IMMP2L: variants seen among roughly 807,000 people sequenced by gnomAD.
IMMP2L encodes the protein mitochondrial inner membrane protease subunit 2.
In IMMP2L, 18 loss-of-function variants were observed where a neutral mutation model predicts 19.3. That is an observed-to-expected ratio of 0.93 (90% CI 0.64 to 1.38). The LOEUF is 1.38. Ranked by LOEUF, IMMP2L falls within the 40% of genes most tolerant of loss-of-function variation. IMMP2L has a pLI of 0.00. For synonymous variants in IMMP2L, 76 were observed against 73.0 expected (o/e 1.04, Z -0.21); for missense variants, 233 against 218.2 (o/e 1.07, Z -0.43).
At chr7:111,165,714 C>A (rs1405624939) in intron 3 of IMMP2L, among the ~76,000 whole-genome samples, 1 of 152,062 alleles carries the variant, frequency 6.6e-6, no homozygotes, top group South Asian at 2.1e-4. Context: ...GGGGTTAACT[C>A]TACAAACACC....
chr7:110,846,185 C>T (rs1458644766), intron 5 of IMMP2L, among the ~76,000 whole-genome samples: 1 of 151,954 alleles, frequency 6.6e-6, no homozygotes, highest in South Asian at 2.1e-4. Context: ...AAATATACAG[C>T]CTTTCATTCT....
chr7:111,219,990 C>A (rs1281176269), intron 3 of IMMP2L, among the ~76,000 whole-genome samples: 1 of 151,958 alleles, frequency 6.6e-6, no homozygotes, highest in African/African-American at 2.4e-5. Context: ...AAATTTGGAA[C>A]CTAATTCTCA....
At chr7:111,288,456 G>C (rs557808223) in intron 3 of IMMP2L, among the ~76,000 whole-genome samples, 1 of 152,252 alleles carries the variant, frequency 6.6e-6, no homozygotes, top group African/African-American at 2.4e-5. Context: ...TTAAACTAAA[G>C]AGCTTCTGCA....
intron 3 of IMMP2L, among the ~76,000 whole-genome samples, chr7:111,279,408 G>A (rs1228860130): frequency 6.6e-6 from 1 of 151,948 alleles, no homozygotes; most frequent in Non-Finnish European, 1.5e-5. Context: ...AATTAAGATG[G>A]GCCCTAATCC....
intron 3 of IMMP2L, among the ~76,000 whole-genome samples, chr7:111,297,382 T>C (rs1443764721): frequency 6.6e-6 from 1 of 152,032 alleles, no homozygotes; most frequent in Non-Finnish European, 1.5e-5. Flanking sequence ...TATTTCAAAA[T>C]AAAAAGCTTA....
intron 3 of IMMP2L, among the ~76,000 whole-genome samples, chr7:111,470,990 C>T (rs1841209590): frequency 6.6e-6 from 1 of 151,472 alleles, no homozygotes; most frequent in African/African-American, 2.4e-5. Flanking sequence ...CAACAAAGGG[C>T]CAGAAAACTT....
chr7:111,398,514 C>T (rs2131386712), intron 3 of IMMP2L, among the ~76,000 whole-genome samples: 1 of 152,104 alleles, frequency 6.6e-6, no homozygotes, highest in Middle Eastern at 3.4e-3. Flanking sequence ...CCACAGCCAA[C>T]ATAATACTAA....
intron 4 of IMMP2L, among the ~76,000 whole-genome samples, chr7:110,949,632 A>T (rs982758557): frequency 6.6e-6 from 1 of 152,196 alleles, no homozygotes; most frequent in Non-Finnish European, 1.5e-5. Context: ...TCATGCTACA[A>T]TATCAGAGTT....
intron 5 of IMMP2L, among the ~76,000 whole-genome samples, chr7:110,764,279 G>C (rs538872914): frequency 6.6e-6 from 1 of 152,086 alleles, no homozygotes; most frequent in African/African-American, 2.4e-5. Context: ...TTTCTTGGGT[G>C]CAGTGAGTCT....
At chr7:111,030,352 A>G (rs998767283) in intron 3 of IMMP2L, among the ~76,000 whole-genome samples, 4 of 152,174 alleles carry the variant, frequency 2.6e-5, no homozygotes, top group Non-Finnish European at 5.9e-5. Context: ...TCATTGAACA[A>G]ACTCTTCTTT....
At chr7:111,442,064 G>C (rs1197582236) in intron 3 of IMMP2L, among the ~76,000 whole-genome samples, 2 of 151,694 alleles carry the variant, frequency 1.3e-5, no homozygotes. Context: ...TTGAACCCAG[G>C]AAGCGGAGAT....
chr7:111,287,026 C>T (rs867285449), intron 3 of IMMP2L, among the ~76,000 whole-genome samples: 1 of 152,162 alleles, frequency 6.6e-6, no homozygotes, highest in African/African-American at 2.4e-5. Flanking sequence ...AGATGACTTG[C>T]TCCATGGGGT....
At chr7:111,383,232 T>C (rs531883470) in intron 3 of IMMP2L, among the ~76,000 whole-genome samples, 22 of 152,090 alleles carry the variant, frequency 1.4e-4, no homozygotes, top group Non-Finnish European at 2.5e-4. Context: ...GCAAGAGTCA[T>C]AGTTATCATA....
At chr7:111,135,860 A>G (rs1010428773) in intron 3 of IMMP2L, among the ~76,000 whole-genome samples, 5 of 152,080 alleles carry the variant, frequency 3.3e-5, no homozygotes, top group Non-Finnish European at 5.9e-5. Flanking sequence ...TCCAGACTAG[A>G]GCTGCCCACA....
chr7:110,746,564 A>G (rs1364615550), intron 5 of IMMP2L, among the ~76,000 whole-genome samples: 1 of 152,244 alleles, frequency 6.6e-6, no homozygotes, highest in Non-Finnish European at 1.5e-5. Flanking sequence ...CTCAGACCAC[A>G]GTGCAATCAA....
intron 5 of IMMP2L, among the ~76,000 whole-genome samples, chr7:110,793,951 A>G (rs1277671965): frequency 1.3e-5 from 2 of 152,112 alleles, no homozygotes; most frequent in Non-Finnish European, 2.9e-5. Flanking sequence ...GGAAATGAAA[A>G]CAAGTTACCA....
chr7:110,893,037 T>C (rs1192509100), intron 4 of IMMP2L, among the ~76,000 whole-genome samples: 3 of 152,130 alleles, frequency 2.0e-5, no homozygotes, highest in African/African-American at 4.8e-5. Context: ...GTCGGTTCAA[T>C]TGCAGACCAC....
At chr7:111,281,090 GA>G (rs1819659716) in intron 3 of IMMP2L, among the ~76,000 whole-genome samples, 1 of 22,178 alleles carries the variant, frequency 4.5e-5, no homozygotes, top group African/African-American at 2.8e-4. Flanking sequence ...GAAGGAAAGA[GA>G]GAGAAAGAGA....
intron 3 of IMMP2L, among the ~76,000 whole-genome samples, chr7:111,062,266 G>A (rs1188802413): frequency 2.0e-5 from 3 of 152,152 alleles, no homozygotes; most frequent in East Asian, 1.9e-4. Context: ...GACAAGAGAA[G>A]GGAGCTTGTA....
Sources: gnomAD v4.1 joint callset for allele counts (sites outside exome capture counted in the v4.1 genomes callset) on GRCh38, gnomAD v4.1.1 for gene constraint, MANE v1.5 for transcripts, NCBI Gene and HGNC (gene_info 2026-07-23, HGNC 2026-07-21) for gene names.